Variants in GARNL3 observed in about 807,000 individuals in gnomAD.
The protein encoded by GARNL3 is GTPase activating Rap/RanGAP domain like 3.
GARNL3 carries 63 observed loss-of-function variants against 125.0 expected under a neutral mutation model. The observed-to-expected ratio is 0.50, with a 90% CI of 0.41 to 0.62. The LOEUF (loss-of-function observed/expected upper bound fraction) is 0.62. Among genes scored for constraint, GARNL3 ranks in the 20% least tolerant of loss-of-function variants. The pLI is 0.00. For missense variants in GARNL3, 994 were observed against 1,244.0 expected (o/e 0.80, Z 3.02); for synonymous variants, 439 against 457.5 (o/e 0.96, Z 0.52).
chr9:127,250,555 G>A (rs2063383116), intron 2 of GARNL3, among the ~76,000 whole-genome samples: 1 of 152,172 alleles, frequency 6.6e-6, no homozygotes, highest in Non-Finnish European at 1.5e-5. Flanking sequence ...GGGGCTGCTG[G>A]GGTATCCATG....
chr9:127,231,124 GGCTCACTGCAAGCTCC>G, intron 1 of GARNL3, among the ~76,000 whole-genome samples: 1 of 137,212 alleles, frequency 7.3e-6, no homozygotes, highest in East Asian at 2.1e-4. Context: ...GCGCTATCTC[GGCTCACTGCAAGCTCC>G]GCCTTCTGGG....
At chr9:127,344,524 A>G (rs1225777500) in intron 15 of GARNL3, 185 bp downstream of exon 15, 6 of 595,006 alleles carry the variant, frequency 1.0e-5, no homozygotes, top group African/African-American at 5.6e-5. Context: ...CTCTGCAGGC[A>G]TCACTGAGAG....
At chr9:127,258,438 G>T (rs1354982491) in intron 2 of GARNL3, among the ~76,000 whole-genome samples, 1 of 152,132 alleles carries the variant, frequency 6.6e-6, no homozygotes, top group African/African-American at 2.4e-5. Context: ...CCAGGAGTTT[G>T]AGACCAACCA....
chr9:127,285,391 C>A (rs540683474), intron 1 of GARNL3, among the ~76,000 whole-genome samples: 1 of 152,340 alleles, frequency 6.6e-6, no homozygotes, highest in African/African-American at 2.4e-5. Context: ...CCATTGCACT[C>A]CAGCCTGGGC....
chr9:127,313,463 C>G lies in GARNL3; in HGVS notation c.342C>G (p.Asn114Lys). Residue 114 changes from asparagine to lysine, a missense_variant, in exon 4 of 28, where the codon AAC becomes AAG. Coordinates refer to ENST00000373387, the MANE Select transcript of GARNL3 (RefSeq NM_032293.5). ...LGQVHQNYIG[N>K]DAEKSPFFLS... ...CAGTCCATCAGAACTACATTGGAAA[C>G]GATGCCGAGAAGAGCCCTTTCTTCT... The G allele has an allele frequency of 6.2e-7, 1 of 1,613,746 alleles. No homozygotes were observed. Among genetic ancestry groups the G allele is most frequent in the Non-Finnish European group, 8.5e-7 (1 of 1,179,640 alleles).
rs184735407 is a variant in GARNL3 at position 127,280,712 on chromosome 9, T to C, written c.145-10456T>C. ...TTTTCACAAGTCTTTTACTGGGAAA[T>C]GGAGTATCAGGGACTACTGTTCAGA... On this transcript the variant is annotated intron_variant, in intron 1 of 27. Coordinates refer to ENST00000373387, the MANE Select transcript of GARNL3 (RefSeq NM_032293.5). This position sits in a 1 kb window ranked among gnomAD's most constrained non-coding sequence, Gnocchi z 4.5. 4.6e-5 allele frequency among the ~76,000 whole-genome samples: 7 copies of C among 152,298 alleles called. No homozygotes were observed. Among genetic ancestry groups the C allele is most frequent in the Non-Finnish European group, 1.0e-4 (7 of 68,036 alleles).
upstream of GARNL3, chr9:127,263,992 A>G (rs1418268308): frequency 6.6e-7 from 1 of 1,525,696 alleles, no homozygotes; most frequent in South Asian, 1.2e-5. Flanking sequence ...TTAAGGAAGG[A>G]TGAAAAGGTA....
chr9:127,230,370 A>C (rs2062979160), intron 1 of GARNL3, among the ~76,000 whole-genome samples: 1 of 152,218 alleles, frequency 6.6e-6, no homozygotes, highest in Non-Finnish European at 1.5e-5. Context: ...CAAAAATGAC[A>C]AACATTCAGC....
intron 2 of GARNL3, among the ~76,000 whole-genome samples, chr9:127,296,313 T>C (rs558223431): frequency 1.3e-5 from 2 of 152,100 alleles, no homozygotes; most frequent in African/African-American, 4.8e-5. Context: ...AAGAGATGCA[T>C]AGGGCAAGGT....
At chr9:127,323,626 G>A (rs2065469519) in intron 6 of GARNL3, among the ~76,000 whole-genome samples, 1 of 152,178 alleles carries the variant, frequency 6.6e-6, no homozygotes, top group Admixed American at 6.5e-5. Context: ...CAGTTAGCAA[G>A]GAAGGAGCAC....
intron 1 of GARNL3, among the ~76,000 whole-genome samples, chr9:127,231,093 C>T (rs1306636032): frequency 2.5e-5 from 3 of 120,378 alleles, no homozygotes; most frequent in Non-Finnish European, 4.8e-5. Context: ...CTAGCTTTGT[C>T]ACCCAGGCTG....
At chr9:127,368,362 G>A (rs542798139) in intron 22 of GARNL3, among the ~76,000 whole-genome samples, 4 of 144,292 alleles carry the variant, frequency 2.8e-5, no homozygotes, top group Non-Finnish European at 3.0e-5. Context: ...ATAGAGTCTA[G>A]CTCTGTAGCC....
intron 1 of GARNL3, among the ~76,000 whole-genome samples, chr9:127,271,743 C>T (rs1262741405): frequency 1.3e-5 from 2 of 149,924 alleles, no homozygotes; most frequent in Admixed American, 6.6e-5. Flanking sequence ...CAATATAGAC[C>T]TCTCCCCTCC....
intron 21 of GARNL3, among the ~76,000 whole-genome samples, chr9:127,358,984 G>A (rs1387517891): frequency 6.6e-6 from 1 of 152,018 alleles, no homozygotes; most frequent in Non-Finnish European, 1.5e-5. Flanking sequence ...TGTGGTACTT[G>A]AGAACCAATA....
chr9:127,249,898 A>G (rs1256290169), intron 2 of GARNL3, among the ~76,000 whole-genome samples: 2 of 152,060 alleles, frequency 1.3e-5, no homozygotes, highest in East Asian at 3.9e-4. Context: ...AATCCCAGCT[A>G]CTCGGGAGGC....
intron 1 of GARNL3, among the ~76,000 whole-genome samples, chr9:127,289,083 CAGTG>C (rs774955652): frequency 1.3e-5 from 2 of 152,208 alleles, no homozygotes; most frequent in Non-Finnish European, 2.9e-5. Context: ...TCTATTTTAA[CAGTG>C]AGTAGAAACC....
rs1832973212 is a variant in GARNL3 at position 127,393,382 on chromosome 9, T to C, written c.*128T>C. The C allele has an allele frequency of 5.3e-6, 4 of 750,830 alleles. No individual in the cohort carries two copies. Among genetic ancestry groups the C allele is most frequent in the Non-Finnish European group, 8.4e-6 (4 of 475,380 alleles). 46.5% of individuals were successfully genotyped at this position (750,830 alleles called of 1,614,324 possible). On this transcript the variant is annotated 3_prime_UTR_variant, in exon 28 of 28. Coordinates refer to ENST00000373387, the MANE Select transcript of GARNL3 (RefSeq NM_032293.5). Reference sequence around the variant, plus strand: ...CAGTGATCTATTGGACCAAACCTTCTGCACACTCGGCCAGTTCCCTCTCCA... The same window carrying C: ...CAGTGATCTATTGGACCAAACCTTCCGCACACTCGGCCAGTTCCCTCTCCA...
At chr9:127,347,902 C>T (rs1830225408) in intron 16 of GARNL3, among the ~76,000 whole-genome samples, 1 of 152,098 alleles carries the variant, frequency 6.6e-6, no homozygotes, top group South Asian at 2.1e-4. Context: ...AAAGGGAGAG[C>T]ATCCTTTCCT....
chr9:127,233,025 C>A (rs1410097516), intron 1 of GARNL3, among the ~76,000 whole-genome samples: 1 of 152,010 alleles, frequency 6.6e-6, no homozygotes, highest in African/African-American at 2.4e-5. Context: ...TGCACTCCGG[C>A]CTGGGTGACA....
Sources: allele counts gnomAD v4.1 joint callset (sites outside exome capture counted in the v4.1 genomes callset), GRCh38; gene constraint gnomAD v4.1.1; non-coding constraint Gnocchi (gnomAD v3.1); transcripts MANE v1.5; gene names NCBI Gene and HGNC (gene_info 2026-07-23, HGNC 2026-07-21).